Variants in TAB2 observed in about 807,000 individuals in gnomAD.
TAB2 encodes the protein TGF-beta activated kinase 1 (MAP3K7) binding protein 2.
TAB2 carries 3 observed loss-of-function variants against 65.0 expected under a neutral mutation model. The observed-to-expected ratio is 0.05, with a 90% CI of 0.02 to 0.12. The LOEUF (loss-of-function observed/expected upper bound fraction) is 0.12. Among genes scored for constraint, TAB2 ranks in the 10% least tolerant of loss-of-function variants. TAB2 has a pLI of 1.00. For synonymous variants in TAB2, 298 were observed against 285.1 expected, an observed-to-expected ratio of 1.05 and a Z score of -0.46; for missense variants, 623 against 840.3, an observed-to-expected ratio of 0.74 and a Z score of 3.20.
At chr6:149,321,795 A>G (rs1004295011) in intron 1 of TAB2, among the ~76,000 whole-genome samples, 6 of 152,306 alleles carry the variant, frequency 3.9e-5, no homozygotes, top group African/African-American at 1.4e-4. Context: ...AAAATTGTGT[A>G]TGTTATATGA....
chr6:149,302,682 A>C (rs906363389), intron 1 of TAB2, among the ~76,000 whole-genome samples: 1 of 152,188 alleles, frequency 6.6e-6, no homozygotes, highest in African/African-American at 2.4e-5. Context: ...TCTGCACTAC[A>C]TGGCAGTCTA....
intron 1 of TAB2, among the ~76,000 whole-genome samples, chr6:149,293,501 G>A (rs1778817302): frequency 6.6e-6 from 1 of 152,164 alleles, no homozygotes; most frequent in African/African-American, 2.4e-5. Flanking sequence ...AGATGCAGCT[G>A]TCCTGGCTTG....
chr6:149,375,120 A>G (rs891309621), intron 2 of TAB2, among the ~76,000 whole-genome samples: 4 of 152,228 alleles, frequency 2.6e-5, no homozygotes, highest in African/African-American at 7.2e-5. Context: ...CTTACAGTAC[A>G]TATTGAAGTA....
chr6:149,327,304 T>A (rs514839), intron 1 of TAB2, among the ~76,000 whole-genome samples: 55,306 of 152,046 alleles, frequency 0.36, 10,341 homozygotes, highest in East Asian at 0.6. Context: ...ACAAATTATG[T>A]CATAGTTGCC....
In TAB2 at chr6:149,302,826, G is replaced by A. The variant is rs1220751101; in HGVS notation, c.-120-75192G>A. On this transcript the variant is annotated intron_variant, in intron 1 of 1. Coordinates refer to the TAB2 transcript ENST00000606202. The stretch of plus-strand genomic sequence containing the variant: ...GCAGGGTCCCCAACTCCCAGGCCAC[G>A]GGCCAGTACTGGTCTGGAGGCTGTT... 3.3e-5 allele frequency among the ~76,000 whole-genome samples: 5 copies of A among 152,108 alleles called. No individual in the cohort carries two copies. The South Asian group carries it at 6.2e-4, about 19-fold the overall frequency.
Position 149,378,985 on chromosome 6 carries a change from G to C in TAB2, c.1070G>C (p.Ser357Thr), listed in dbSNP as rs778328925. 6 of 1,614,014 alleles carry C rather than the reference G, an allele frequency of 3.7e-6. No individual in the cohort carries two copies. The highest frequency in any genetic ancestry group is 3.3e-5 in the Admixed American group (2 of 60,006). ...TCCAGCACTTCCTCTTCAGTCAATA[G>C]CCAGACCTTAAACAGAAATCAGCCC... ...RTSSTSSSVN[S>T]QTLNRNQPTV... is the part of the protein sequence containing the mutation. The change falls in exon 3 of 7, where the codon AGC becomes ACC. Residue 357 changes from serine to threonine, a missense_variant. Physicochemically the swap from Ser to Thr is moderately conservative, Grantham distance 58. This residue lies in a region of TAB2 where 550 missense variants were observed against 665.7 expected (regional missense o/e 0.83). Coordinates refer to ENST00000637181, the MANE Select transcript of TAB2 (RefSeq NM_001292034.3).
At chr6:149,340,268 A>G (rs1283317021) in intron 1 of TAB2, among the ~76,000 whole-genome samples, 1 of 152,216 alleles carries the variant, frequency 6.6e-6, no homozygotes, top group Non-Finnish European at 1.5e-5. Context: ...TTTGGCTAAC[A>G]TTAATAAGAG....
chr6:149,404,554 A>G (rs1430685337), intron 6 of TAB2, among the ~76,000 whole-genome samples: 3 of 152,228 alleles, frequency 2.0e-5, no homozygotes, highest in African/African-American at 7.2e-5. Context: ...AGTTATAGTA[A>G]AACAGTATGG....
intron 1 of TAB2, among the ~76,000 whole-genome samples, chr6:149,339,682 T>C (rs1334273735): frequency 1.4e-5 from 2 of 147,032 alleles, no homozygotes; most frequent in African/African-American, 5.0e-5. Context: ...CACTGCAACC[T>C]CCACCTCCCA....
intron 1 of TAB2, among the ~76,000 whole-genome samples, chr6:149,249,549 T>C (rs918726782): frequency 1.3e-5 from 2 of 151,958 alleles, no homozygotes; most frequent in Non-Finnish European, 2.9e-5. Context: ...TCTGTCTCTG[T>C]CTCTGTCTCC....
chr6:149,315,653 T>C (rs750230913), upstream of TAB2, among the ~76,000 whole-genome samples: 1 of 152,240 alleles, frequency 6.6e-6, no homozygotes, highest in Non-Finnish European at 1.5e-5. Context: ...TGCATTTCGT[T>C]ACCATGTCTT....
intron 1 of TAB2, among the ~76,000 whole-genome samples, chr6:149,250,207 T>G (rs954473212): frequency 6.6e-6 from 1 of 152,138 alleles, no homozygotes; most frequent in Non-Finnish European, 1.5e-5. Flanking sequence ...AATATTTATT[T>G]TGGATATTGA....
chr6:149,226,711 A>T (rs994077029), intron 1 of TAB2, among the ~76,000 whole-genome samples: 5 of 152,224 alleles, frequency 3.3e-5, no homozygotes, highest in Non-Finnish European at 7.3e-5. Flanking sequence ...GTAAGATACT[A>T]GGTGCAAAAA....
chr6:149,222,276 T>C (rs1000714729), intron 1 of TAB2, among the ~76,000 whole-genome samples: 2 of 152,108 alleles, frequency 1.3e-5, no homozygotes, highest in Non-Finnish European at 2.9e-5. Flanking sequence ...AAACAGGTGA[T>C]TGTGGGACTC....
At chr6:149,249,581 T>C (rs1485616056) in intron 1 of TAB2, among the ~76,000 whole-genome samples, 1 of 152,072 alleles carries the variant, frequency 6.6e-6, no homozygotes, top group Non-Finnish European at 1.5e-5. Context: ...TCTCTCTGTC[T>C]CTGTCTCCCT....
chr6:149,299,291 G>A (rs1458648138), intron 1 of TAB2, among the ~76,000 whole-genome samples: 5 of 152,184 alleles, frequency 3.3e-5, no homozygotes, highest in Non-Finnish European at 7.4e-5. Context: ...CACATCAGAG[G>A]CCGGGTGCAA....
intron 1 of TAB2, among the ~76,000 whole-genome samples, chr6:149,300,293 A>G (rs1373358492): frequency 6.6e-6 from 1 of 152,230 alleles, no homozygotes; most frequent in African/African-American, 2.4e-5. Flanking sequence ...TAAAAGTAAG[A>G]ATACAACAGA....
chr6:149,401,594 G>A (rs1416696069), intron 6 of TAB2, among the ~76,000 whole-genome samples: 1 of 152,050 alleles, frequency 6.6e-6, no homozygotes, highest in Non-Finnish European at 1.5e-5. Flanking sequence ...GAAATTGACA[G>A]CAATAGTAGG....
intron 1 of TAB2, among the ~76,000 whole-genome samples, chr6:149,267,481 G>C (rs1188735799): frequency 6.6e-6 from 1 of 152,140 alleles, no homozygotes; most frequent in Non-Finnish European, 1.5e-5. Context: ...GAAATATTTA[G>C]ATATTTGTTG....
Sources: allele counts gnomAD v4.1 joint callset (sites outside exome capture counted in the v4.1 genomes callset), GRCh38; gene constraint gnomAD v4.1.1; regional missense constraint gnomAD v4.1.1; transcripts MANE v1.5; gene names NCBI Gene and HGNC (gene_info 2026-07-23, HGNC 2026-07-21).